The following PFKP variants were observed in gnomAD, a reference collection of about 807,000 sequenced individuals.
PFKP encodes the protein ATP-dependent 6-phosphofructokinase, platelet type.
Under a neutral mutation model 94.3 loss-of-function variants are expected in PFKP, and 101 were observed. The observed-to-expected ratio is 1.07, with a 90% CI of 0.91 to 1.26. PFKP has a LOEUF of 1.26. Ranked by LOEUF, PFKP falls within the 50% of genes most tolerant of loss-of-function variation. PFKP has a pLI of 0.00. For synonymous variants in PFKP, 573 were observed against 432.6 expected, an observed-to-expected ratio of 1.32 and a Z score of -4.03; for missense variants, 1,145 against 1,103.3, an observed-to-expected ratio of 1.04 and a Z score of -0.53.
At chr10:3,069,517 C>A in intron 1 of PFKP, 2 of 793,490 alleles carry the variant, frequency 2.5e-6, no homozygotes, top group Non-Finnish European at 3.9e-6. Flanking sequence ...ACCTTTGGCA[C>A]AGGAAGAGGA....
intron 1 of PFKP, among the ~76,000 whole-genome samples, 155 bp from the exon 2 acceptor site, chr10:3,082,233 T>C (rs1297265676): frequency 6.6e-6 from 1 of 152,118 alleles, no homozygotes; most frequent in Non-Finnish European, 1.5e-5. Context: ...TTTTAGTCCT[T>C]ACCCTAATCC....
At chr10:3,102,460 C>T (rs143496193) in intron 4 of PFKP, among the ~76,000 whole-genome samples, 1 of 151,878 alleles carries the variant, frequency 6.6e-6, no homozygotes, top group South Asian at 2.1e-4. Context: ...ATTGCCCAGG[C>T]TGGAGTGCAG....
At chr10:3,083,524 G>C (rs185387384) in intron 2 of PFKP, among the ~76,000 whole-genome samples, 69 of 152,090 alleles carry the variant, frequency 4.5e-4, no homozygotes, top group African/African-American at 1.5e-3. Flanking sequence ...GTAAAACACC[G>C]GAAAGAAACA....
chr10:3,112,315 T>C (rs1347843476), intron 11 of PFKP, 29 bp downstream of exon 11: 7 of 1,570,970 alleles, frequency 4.5e-6, no homozygotes, highest in African/African-American at 4.1e-5. Context: ...AGCTCTGCCC[T>C]GTCAGGAACA....
chr10:3,135,030 GTTC>G (rs1379808761), intron 20 of PFKP, among the ~76,000 whole-genome samples: 5 of 151,784 alleles, frequency 3.3e-5, no homozygotes, highest in Admixed American at 6.6e-5. Context: ...AACTGTGCAT[GTTC>G]TTCCTTAAAT....
intron 4 of PFKP, among the ~76,000 whole-genome samples, chr10:3,102,937 G>A (rs1005220574): frequency 1.3e-5 from 2 of 152,206 alleles, no homozygotes; most frequent in Admixed American, 6.5e-5. Context: ...CACAGACCGG[G>A]ACAGTGGCCA....
chr10:3,099,445 G>A lies in PFKP; in HGVS notation c.264+93G>A, dbSNP rs555713143. On this transcript the variant is annotated intron_variant, in intron 3 of 21. Transcript: ENST00000381125. ...GAACACTTGAGCTCAGATCAGTTGCGAAATAGAGATTATGTGGACAGAACA... is the reference window on the plus strand; with the variant it reads ...GAACACTTGAGCTCAGATCAGTTGCAAAATAGAGATTATGTGGACAGAACA... The A allele has an allele frequency of 3.6e-4, 346 of 970,818 alleles. 3 individuals are homozygous for A. In the South Asian group the frequency reaches 3.9e-3, roughly 11 times the overall value. The allele number at this position is 970,818 out of a possible 1,614,324, so 60.1% of individuals were successfully genotyped here.
Position 3,069,076 on chromosome 10 carries a change from C to G in PFKP, c.112+1369C>G, listed in dbSNP as rs376566585. Among the ~76,000 whole-genome samples the G allele has an allele frequency of 1.1e-3, 167 of 151,500 alleles. 3 individuals are homozygous for G. In the East Asian group the frequency reaches 0.028, roughly 25 times the overall value. On this transcript the variant is annotated intron_variant, in intron 1 of 21. Transcript: ENST00000381125. ...CGTGATGCCCGGCCCGTCGTCTCCA[C>G]GAGCCCCGGCCCCGACACCCGTGCG...
intron 15 of PFKP, 135 bp downstream of exon 15, chr10:3,119,004 T>A (rs1837118738): frequency 1.6e-6 from 1 of 635,894 alleles, no homozygotes; most frequent in East Asian, 3.0e-5. Flanking sequence ...CACTGGAGAA[T>A]TGTAGAACAG....
Position 3,103,880 on chromosome 10 carries a change from G to A in PFKP, c.556G>A (p.Gly186Ser), listed in dbSNP as rs1375222527. 7 of 1,613,852 alleles carry A rather than the reference G, an allele frequency of 4.3e-6. No homozygotes were observed. Among genetic ancestry groups the A allele is most frequent in the Non-Finnish European group, 5.1e-6 (6 of 1,180,026 alleles). Residue 186 changes from glycine to serine, a missense_variant, in exon 5 of 22, where the codon GGC (glycine) becomes AGC (serine). By Grantham distance (56) the Gly-to-Ser change is moderately conservative. Coordinates refer to ENST00000381125, the MANE Select transcript of PFKP (RefSeq NM_002627.5). ...NDFCGTDMTIGTDSALHRIIE... is the reference protein window; with the variant it reads ...NDFCGTDMTISTDSALHRIIE... Reference sequence around the variant, plus strand: ...TTTCTGCGGCACCGACATGACCATCGGCACGGACTCCGCCCTGCACAGGAT... The same window carrying A: ...TTTCTGCGGCACCGACATGACCATCAGCACGGACTCCGCCCTGCACAGGAT...
At chr10:3,080,287 G>C (rs1832948023) in intron 1 of PFKP, among the ~76,000 whole-genome samples, 3 of 152,296 alleles carry the variant, frequency 2.0e-5, no homozygotes. Flanking sequence ...GGAGGCTGAG[G>C]CGGATGGATC....
At chr10:3,100,351 G>A (rs1834875875) in intron 3 of PFKP, among the ~76,000 whole-genome samples, 1 of 152,158 alleles carries the variant, frequency 6.6e-6, no homozygotes, top group African/African-American at 2.4e-5. Context: ...CTTGGTGCCA[G>A]TGACGTAGGA....
chr10:3,112,968 C>G (rs1407794685), intron 11 of PFKP, 151 bp from the exon 12 acceptor site: 1 of 701,942 alleles, frequency 1.4e-6, no homozygotes, highest in Non-Finnish European at 2.4e-6. Context: ...AGGGCTCTGC[C>G]ATGCACATGG....
chr10:3,116,541 G>A (rs41288719), intron 13 of PFKP, among the ~76,000 whole-genome samples: 12,588 of 152,180 alleles, frequency 0.083, 746 homozygotes, highest in African/African-American at 0.17. Flanking sequence ...GAGACACAGA[G>A]GCCCCGACAG....
chr10:3,130,044 G>A (rs1043885987), intron 17 of PFKP, 61 bp downstream of exon 17: 3 of 1,443,416 alleles, frequency 2.1e-6, no homozygotes, highest in East Asian at 2.3e-5. Flanking sequence ...GCTGCGGAGT[G>A]AATCATCGTG....
At chr10:3,099,224 C>T (rs1465737978) in intron 2 of PFKP, 51 bp from the exon 3 acceptor site, 5 of 1,357,694 alleles carry the variant, frequency 3.7e-6, no homozygotes, top group Non-Finnish European at 1.1e-6. Context: ...GATCACTTCC[C>T]ATTTAGTGAA....
At chr10:3,101,256 G>A (rs1834966117) in intron 3 of PFKP, 109 bp from the exon 4 acceptor site, 1 of 954,082 alleles carries the variant, frequency 1.0e-6, no homozygotes, top group African/African-American at 1.7e-5. Context: ...AGATGAAAAT[G>A]AGAAAAATGT....
At chr10:3,132,021 T>C (rs1343491080) in intron 17 of PFKP, among the ~76,000 whole-genome samples, 2 of 152,070 alleles carry the variant, frequency 1.3e-5, no homozygotes, top group Non-Finnish European at 2.9e-5. Context: ...CAGGTCACTC[T>C]TTCCTCTGAG....
intron 16 of PFKP, among the ~76,000 whole-genome samples, chr10:3,126,996 C>A (rs1198274534): frequency 6.6e-6 from 1 of 152,272 alleles, no homozygotes; most frequent in South Asian, 2.1e-4. Context: ...GCCATCCTTC[C>A]ACCCACTCGG....
Sources: allele counts gnomAD v4.1 joint callset (sites outside exome capture counted in the v4.1 genomes callset), GRCh38; gene constraint gnomAD v4.1.1; transcripts MANE v1.5; gene names NCBI Gene and HGNC (gene_info 2026-07-23, HGNC 2026-07-21).